Variants in LPP observed in about 807,000 individuals in gnomAD.
The protein encoded by LPP is LIM domain containing preferred translocation partner in lipoma.
Under a neutral mutation model 60.4 loss-of-function variants are expected in LPP, and 38 were observed. The ratio of observed to expected loss-of-function variants is 0.63; its 90% confidence interval spans 0.49 to 0.83. LPP has a LOEUF of 0.83. LPP is among the 40% of genes least tolerant of loss of function. The pLI is 0.00. For missense variants in LPP, 902 were observed against 783.6 expected (o/e 1.15, Z -1.80); for synonymous variants, 328 against 290.8 (o/e 1.13, Z -1.30).
chr3:188,696,807 T>C (rs1396400067), intron 7 of LPP, among the ~76,000 whole-genome samples: 13 of 152,182 alleles, frequency 8.5e-5, no homozygotes. Flanking sequence ...TTCTCCTTCA[T>C]ATACCTTGAT....
intron 6 of LPP, among the ~76,000 whole-genome samples, chr3:188,525,442 T>A (rs1820339353): frequency 6.6e-6 from 1 of 152,248 alleles, no homozygotes; most frequent in African/African-American, 2.4e-5. Context: ...CTTATTCCAT[T>A]GCCTTGCTCT....
intron 8 of LPP, among the ~76,000 whole-genome samples, chr3:188,751,261 T>C (rs1409618483): frequency 6.6e-6 from 1 of 152,180 alleles, no homozygotes; most frequent in Non-Finnish European, 1.5e-5. Flanking sequence ...GATTTACCCT[T>C]TGAGTGGACC....
chr3:188,325,808 A>T (rs1175496450), intron 2 of LPP, among the ~76,000 whole-genome samples: 1 of 152,072 alleles, frequency 6.6e-6, no homozygotes, highest in Non-Finnish European at 1.5e-5. Context: ...AGCAGGGTCC[A>T]TGTTTGTTGC....
chr3:188,543,570 G>A (rs1825774577), intron 6 of LPP, among the ~76,000 whole-genome samples: 1 of 152,114 alleles, frequency 6.6e-6, no homozygotes, highest in Non-Finnish European at 1.5e-5. Context: ...TGCATAAAGT[G>A]CTTTAGTTTA....
At chr3:188,582,994 C>T (rs368874097) in intron 6 of LPP, among the ~76,000 whole-genome samples, 4 of 152,312 alleles carry the variant, frequency 2.6e-5, no homozygotes, top group East Asian at 1.9e-4. Flanking sequence ...TCCCCACCAT[C>T]GCCCCAATCT....
At chr3:188,583,193 G>C (rs774426836) in intron 6 of LPP, among the ~76,000 whole-genome samples, 1 of 152,094 alleles carries the variant, frequency 6.6e-6, no homozygotes, top group Non-Finnish European at 1.5e-5. Context: ...TGTTTTCCAC[G>C]TGCGAAATAG....
At chr3:188,650,199 A>T (rs1366671622) in intron 7 of LPP, among the ~76,000 whole-genome samples, 1 of 152,208 alleles carries the variant, frequency 6.6e-6, no homozygotes, top group Non-Finnish European at 1.5e-5. Context: ...TATTTTAATT[A>T]TGGAGACAAA....
intron 1 of LPP, among the ~76,000 whole-genome samples, chr3:188,161,211 T>C (rs1718163120): frequency 1.3e-5 from 2 of 152,054 alleles, no homozygotes; most frequent in African/African-American, 4.8e-5. Context: ...AGGGCCTTGT[T>C]GGATCTGTAT....
chr3:188,255,840 T>C (rs970249849), intron 2 of LPP, among the ~76,000 whole-genome samples: 2 of 152,148 alleles, frequency 1.3e-5, no homozygotes, highest in Non-Finnish European at 2.9e-5. Context: ...TTTAGGAGGG[T>C]AAAGTAGCCA....
chr3:188,248,185 A>G (rs1727693384), intron 2 of LPP, among the ~76,000 whole-genome samples: 1 of 152,062 alleles, frequency 6.6e-6, no homozygotes, highest in Admixed American at 6.5e-5. Flanking sequence ...AATTCACCCA[A>G]ACAACGTGAA....
chr3:188,227,087 T>A (rs1718046848), intron 2 of LPP, among the ~76,000 whole-genome samples: 1 of 152,186 alleles, frequency 6.6e-6, no homozygotes, highest in Admixed American at 6.5e-5. Flanking sequence ...GCACTTGGAC[T>A]TAAAAAAATC....
chr3:188,311,349 T>C (rs1753345773), intron 2 of LPP, among the ~76,000 whole-genome samples: 1 of 152,010 alleles, frequency 6.6e-6, no homozygotes, highest in Admixed American at 6.6e-5. Context: ...CATGATGGTG[T>C]ACACCTGTAG....
At chr3:188,274,583 G>A (rs927930842) in intron 2 of LPP, among the ~76,000 whole-genome samples, 1 of 152,138 alleles carries the variant, frequency 6.6e-6, no homozygotes, top group Non-Finnish European at 1.5e-5. Context: ...GTGATGAATT[G>A]GTAGATCATG....
intron 6 of LPP, among the ~76,000 whole-genome samples, chr3:188,539,272 C>T (rs1824479236): frequency 6.6e-6 from 1 of 152,132 alleles, no homozygotes; most frequent in Admixed American, 6.5e-5. Context: ...CTTACAATCT[C>T]TTGGGGAAAA....
chr3:188,327,073 A>G (rs1317005517), intron 2 of LPP, among the ~76,000 whole-genome samples: 1 of 152,196 alleles, frequency 6.6e-6, no homozygotes, highest in Non-Finnish European at 1.5e-5. Flanking sequence ...GATGTTGTGT[A>G]TCAACTCATT....
chr3:188,406,252 G>T lies in LPP; in HGVS notation c.132G>T (p.Lys44Asn). ...ISVSTQQPPK[K>N]FAPVVAPKPK... ...TGTCTACACAACAGCCACCCAAAAA[G>T]TTTGCCCCGGTAGTTGCTCCAAAAC... The change falls in exon 4 of 12, where the codon AAG becomes AAT. Residue 44 changes from lysine (K) to asparagine (N), a missense_variant. Transcript: ENST00000617246. 6.2e-7 allele frequency: 1 copy of T among 1,614,138 alleles called. No homozygotes were observed. Among genetic ancestry groups the T allele is most frequent in the Non-Finnish European group, 8.5e-7 (1 of 1,180,000 alleles).
At chr3:188,600,816 T>C (rs564057833) in intron 6 of LPP, among the ~76,000 whole-genome samples, 8 of 137,754 alleles carry the variant, frequency 5.8e-5, no homozygotes, top group African/African-American at 2.4e-4. Flanking sequence ...TTGTTTTTTG[T>C]TTTTTGTTTT....
intron 2 of LPP, among the ~76,000 whole-genome samples, chr3:188,313,708 T>A (rs1754215206): frequency 6.6e-6 from 1 of 152,130 alleles, no homozygotes; most frequent in Admixed American, 6.5e-5. Flanking sequence ...TTGCTGGGTT[T>A]ATTTGTTAGC....
chr3:188,416,439 C>T (rs1296651611), intron 4 of LPP, among the ~76,000 whole-genome samples: 1 of 152,096 alleles, frequency 6.6e-6, no homozygotes, highest in African/African-American at 2.4e-5. Context: ...CAGAACTTCC[C>T]GGGAATTGTG....
Sources: allele counts gnomAD v4.1 joint callset (sites outside exome capture counted in the v4.1 genomes callset), GRCh38; gene constraint gnomAD v4.1.1; transcripts MANE v1.5; gene names NCBI Gene and HGNC (gene_info 2026-07-23, HGNC 2026-07-21).